The following ALS2CL variants were observed in gnomAD, a reference collection of about 807,000 sequenced individuals.
The protein encoded by ALS2CL is ALS2 C-terminal-like protein.
In ALS2CL, 112 loss-of-function variants were observed where a neutral mutation model predicts 127.9. That is an observed-to-expected ratio of 0.88 (90% confidence interval 0.75 to 1.02). The LOEUF (loss-of-function observed/expected upper bound fraction) is 1.02, where lower values mean the gene tolerates loss of function less well. Among genes scored for constraint, ALS2CL ranks in the 50% least tolerant of loss-of-function variants. ALS2CL has a pLI of 0.00. For missense variants in ALS2CL, 1,174 were observed against 1,236.7 expected, an observed-to-expected ratio of 0.95 and a Z score of 0.76; for synonymous variants, 519 against 527.6, an observed-to-expected ratio of 0.98 and a Z score of 0.22.
At position 46,670,628 on chromosome 3, in the gene ALS2CL, C is replaced by T. The variant is rs542809971; in HGVS notation, c.*356G>A. ...TGGAAGGTCCTTTACAGCGTACTCA[C>T]TCCACCATTGTACAGATGGCAGCAC... On this transcript the variant is annotated 3_prime_UTR_variant, in exon 26 of 26. Coordinates refer to ENST00000318962, the MANE Select transcript of ALS2CL (RefSeq NM_147129.5). The surrounding 1 kb of genome is among the most constrained non-coding windows in gnomAD (Gnocchi z 5.5). 2.5e-5 allele frequency: 7 copies of T among 279,760 alleles called. No individual in the cohort carries two copies. In the East Asian group the frequency reaches 5.0e-4, roughly 20 times the overall value. The allele number at this position is 279,760 out of a possible 1,614,324, so 17.3% of individuals were successfully genotyped here. A position where few individuals can be genotyped will look rare whatever the true frequency, so the allele number is the denominator to read the frequency against.
rs2106670636 is a variant in ALS2CL, at chr3:46,669,381, G to A, written c.*1603C>T. ...GAGAGGGTGGGCAGAGGGCCTTGTT[G>A]AATCTGAACTGCAGCAAGGGCTCGC... is the stretch of plus-strand genomic sequence containing the variant. On this transcript the variant is annotated 3_prime_UTR_variant, in exon 26 of 26. Coordinates refer to ENST00000318962, the MANE Select transcript of ALS2CL (RefSeq NM_147129.5). 1 of 152,380 alleles carries A rather than the reference G, an allele frequency of 6.6e-6. No individual in the cohort carries two copies. The highest frequency in any genetic ancestry group is 1.9e-4 in the East Asian group (1 of 5,178). 9.4% of individuals were successfully genotyped at this position (152,380 alleles called of 1,614,324 possible).
chr3:46,677,421 C>T (rs1698948758), intron 16 of ALS2CL: 3 of 1,037,208 alleles, frequency 2.9e-6, no homozygotes, highest in Non-Finnish European at 2.3e-6. Context: ...TGGTTGATCC[C>T]GCCCTGGCCA....
rs760332683 is a variant in ALS2CL, at chr3:46,680,442, C to T, written c.1536G>A (p.Ala512=). The part of the protein sequence containing the change: ...AGVCYQGTFQ[A]DKTVGPGILL... ...ACACTCCACTCACCACCGTCTTGTC[C>T]GCCTGGAAGGTGCCCTGGTAGCAGA... The change falls in exon 14 of 26, where the codon GCG becomes GCA. Residue 512 remains alanine, a synonymous_variant. Transcript: ENST00000318962. The T allele has an allele frequency of 2.0e-5, 33 of 1,613,202 alleles. No individual in the cohort carries two copies. Among genetic ancestry groups the T allele is most frequent in the Admixed American group, 1.8e-4 (11 of 60,002 alleles).
chr3:46,684,167 G>C, intron 7 of ALS2CL, 120 bp from the exon 8 acceptor site: 1 of 1,158,430 alleles, frequency 8.6e-7, no homozygotes. Context: ...TGCCCAGCAT[G>C]TCCAGGACTG....
rs1327460612 is a variant in ALS2CL, at chr3:46,672,344, A to T, written c.2473-143T>A. 3.9e-6 allele frequency: 4 copies of T among 1,014,572 alleles called. No individual in the cohort carries two copies. The African/African-American group carries it at 4.8e-5, about 12-fold the overall frequency. The allele number at this position is 1,014,572 out of a possible 1,614,324, so 62.8% of individuals were successfully genotyped here. On this transcript the variant is annotated intron_variant, in intron 22 of 25. Coordinates refer to ENST00000318962, the MANE Select transcript of ALS2CL (RefSeq NM_147129.5). The stretch of plus-strand genomic sequence containing the variant: ...GCAGCCCCACCCTGAGGGCTGAGTG[A>T]CCCAGGGCAAGTCACAGCTCCACTG...
chr3:46,683,812 G>C lies in ALS2CL; in HGVS notation c.882C>G (p.Phe294Leu), dbSNP rs749472096. 6.2e-7 allele frequency: 1 copy of C among 1,614,020 alleles called. No individual in the cohort carries two copies. The stretch of plus-strand genomic sequence containing the variant: ...CCTGGGAGTCCTTGGCACAAAAGGA[G>C]AACTCTTCTTCGGGCGTGAGGAGGT... ...TFHLLTPEEE[F>L]SFCAKDSQGQ... Residue 294 changes from phenylalanine to leucine, a missense_variant, in exon 9 of 26, where the codon TTC (phenylalanine) becomes TTG (leucine). Transcript: ENST00000318962.
chr3:46,681,510 C>T lies in ALS2CL; in HGVS notation c.1264G>A (p.Gly422Ser), dbSNP rs377593170. Residue 422 changes from glycine (G) to serine (S), a missense_variant, in exon 12 of 26, where the codon GGC (glycine) becomes AGC (serine). Transcript: ENST00000318962. This position sits in a 1 kb window ranked among gnomAD's most constrained non-coding sequence, Gnocchi z 4.9. ...GCCAGGGTCACTTACTCACAGATGC[C>T]GTAGCCACACATGCTGCCTTCTCGC... ...HWREGSMCGY[G>S]ICEYSTDEVY... The T allele has an allele frequency of 4.3e-6, 7 of 1,614,144 alleles. No individual in the cohort carries two copies. The highest frequency in any genetic ancestry group is 4.5e-5 in the East Asian group (2 of 44,882).
At chr3:46,689,697 A>C (rs1700041154) in intron 1 of ALS2CL, among the ~76,000 whole-genome samples, 1 of 152,228 alleles carries the variant, frequency 6.6e-6, no homozygotes, top group Admixed American at 6.5e-5. Context: ...CAGAGCTGCC[A>C]AGGGAAGCAA....
rs375737711 is a variant in ALS2CL at position 46,677,027 on chromosome 3, G to A, written c.1758-5C>T. The A allele has an allele frequency of 9.7e-5, 154 of 1,595,290 alleles. No homozygotes were observed. The highest frequency in any genetic ancestry group is 1.5e-4 in the African/African-American group (11 of 74,726). On this transcript the variant is annotated splice_polypyrimidine_tract_variant and splice_region_variant and intron_variant, in intron 16 of 25. Coordinates refer to ENST00000318962, the MANE Select transcript of ALS2CL (RefSeq NM_147129.5). ...AAGGCACCCACGCCCAGCTGCCTGCGATGGGGATGGAGGGTGGGTGATGGG... is the reference window on the plus strand; with the variant it reads ...AAGGCACCCACGCCCAGCTGCCTGCAATGGGGATGGAGGGTGGGTGATGGG...
intron 2 of ALS2CL, 35 bp downstream of exon 2, chr3:46,689,303 T>C: frequency 6.2e-7 from 1 of 1,602,992 alleles, no homozygotes; most frequent in East Asian, 2.2e-5. Flanking sequence ...CATTCCTCGG[T>C]GCCCTTCCCT....
chr3:46,689,139 G>C (rs1699996352), intron 2 of ALS2CL, among the ~76,000 whole-genome samples, 199 bp downstream of exon 2: 1 of 152,244 alleles, frequency 6.6e-6, no homozygotes, highest in South Asian at 2.1e-4. Flanking sequence ...TGAGGCACAA[G>C]AATCGCTTGA....
In ALS2CL at chr3:46,683,329, G is replaced by C; in HGVS notation, c.913-3C>G. 1 of 1,576,404 alleles carries C rather than the reference G, an allele frequency of 6.3e-7. No homozygotes were observed. The highest frequency in any genetic ancestry group is 8.6e-7 in the Non-Finnish European group (1 of 1,160,378). On this transcript the variant is annotated splice_region_variant and splice_polypyrimidine_tract_variant and intron_variant, in intron 9 of 25. Transcript: ENST00000318962. ...GTCACCTTCCACTGCCAGACTGCCT[G>C]GTGGGAGGGGGAACATGGGGAAGGG...
At chr3:46,682,117 G>C (rs374256980) in intron 10 of ALS2CL, 23 bp from the exon 11 acceptor site, 1 of 1,612,796 alleles carries the variant, frequency 6.2e-7, no homozygotes, top group Non-Finnish European at 8.5e-7. Context: ...GGAGGTTCAC[G>C]AGCCTCAGGC....
intron 1 of ALS2CL, among the ~76,000 whole-genome samples, chr3:46,691,206 G>A (rs568551583): frequency 9.2e-5 from 14 of 152,284 alleles, no homozygotes; most frequent in African/African-American, 2.9e-4. Flanking sequence ...CGTATCTCCC[G>A]AAACTGCTGG....
intron 7 of ALS2CL, among the ~76,000 whole-genome samples, chr3:46,685,082 G>A (rs76388719): frequency 0.014 from 2,156 of 152,238 alleles, 56 homozygotes; most frequent in African/African-American, 0.049. Flanking sequence ...CACTGCTCCT[G>A]TAGGGTACTT....
At chr3:46,676,787 T>TC (rs560354758) in intron 17 of ALS2CL, 49 bp from the exon 18 acceptor site, 11 of 1,333,792 alleles carry the variant, frequency 8.2e-6, no homozygotes, top group Non-Finnish European at 1.1e-5. Flanking sequence ...CCCAGCCCCC[T>TC]CCCCCCAGGA....
At position 46,686,317 on chromosome 3, in the gene ALS2CL, G is replaced by A. The variant is rs1699771000; in HGVS notation, c.657C>T (p.Gly219=). The change falls in exon 6 of 26, where the codon GGC becomes GGT. Residue 219 remains glycine, a synonymous_variant. Transcript: ENST00000318962. The surrounding 1 kb of genome is among the most constrained non-coding windows in gnomAD (Gnocchi z 4.3). ...CAGGCCCCCAACTCACCCTCAGCCG[G>A]CCTCTCAGGGTGTGCCAGAGAGCCT... ...ATQALWHTLR[G]RLRDVLCTPA... is the part of the protein sequence containing the mutation. The A allele has an allele frequency of 5.6e-6, 9 of 1,609,438 alleles. No homozygotes were observed. Among genetic ancestry groups the A allele is most frequent in the Admixed American group, 1.7e-5 (1 of 59,346 alleles).
chr3:46,681,274 C>T lies in ALS2CL; in HGVS notation c.1408G>A (p.Gly470Ser), dbSNP rs568059343. 1.2e-5 allele frequency: 19 copies of T among 1,613,842 alleles called. No homozygotes were observed. The highest frequency in any genetic ancestry group is 5.3e-5 in the African/African-American group (4 of 74,892). Reference sequence around the variant, plus strand: ...TCACCATCCTCCTCAATGCCATAGCCGCTCCTCTGGCCCCTCTCCCAGTGG... The same window carrying T: ...TCACCATCCTCCTCAATGCCATAGCTGCTCCTCTGGCCCCTCTCCCAGTGG... ...TGHWERGQRS[G>S]YGIEEDGDRG... The change falls in exon 13 of 26, where the codon GGC (glycine) becomes AGC (serine). Residue 470 changes from glycine (G) to serine (S), a missense_variant. Transcript: ENST00000318962. The surrounding 1 kb of genome is among the most constrained non-coding windows in gnomAD (Gnocchi z 4.9).
rs780655006 is a variant in ALS2CL, at chr3:46,687,642, G to C, written c.345C>G (p.Phe115Leu). 1 of 1,613,316 alleles carries C rather than the reference G, an allele frequency of 6.2e-7. No homozygotes were observed. The highest frequency in any genetic ancestry group is 2.2e-5 in the East Asian group (1 of 44,862). The change falls in exon 4 of 26, where the codon TTC (phenylalanine) becomes TTG (leucine). Residue 115 changes from phenylalanine to leucine, a missense_variant. Physicochemically the swap from Phe to Leu is conservative, Grantham distance 22. Coordinates refer to ENST00000318962, the MANE Select transcript of ALS2CL (RefSeq NM_147129.5). ...ACCTTCTCCTCTTTGCTGCCTTCTG[G>C]AAGGCCTGCACCACCATGCAGCTTG... is the stretch of plus-strand genomic sequence containing the variant. Reference protein sequence around the residue: ...SYTSCMVVQAFQKAAKRRSEY... With the variant: ...SYTSCMVVQALQKAAKRRSEY...
Sources: gnomAD v4.1 joint callset for allele counts (sites outside exome capture counted in the v4.1 genomes callset) on GRCh38, gnomAD v4.1.1 for gene constraint, Gnocchi (gnomAD v3.1) non-coding constraint, MANE v1.5 for transcripts, NCBI Gene and HGNC (gene_info 2026-07-23, HGNC 2026-07-21) for gene names.